The following INPP4B variants were observed in gnomAD, a reference collection of about 807,000 sequenced individuals.
INPP4B encodes the protein inositol polyphosphate-4-phosphatase type II B.
INPP4B carries 55 observed loss-of-function variants against 122.5 expected under a neutral mutation model. That is an observed-to-expected ratio of 0.45 (90% CI 0.36 to 0.56). The LOEUF is 0.56. Ranked by LOEUF, INPP4B falls within the 20% of genes least tolerant of loss-of-function variation. INPP4B has a pLI of 0.00. For missense variants in INPP4B, 1,000 were observed against 1,097.7 expected (o/e 0.91, Z 1.26); for synonymous variants, 403 against 388.7 (o/e 1.04, Z -0.43).
chr4:142,288,285 T>C (rs1046379752), intron 9 of INPP4B, among the ~76,000 whole-genome samples: 2 of 152,204 alleles, frequency 1.3e-5, no homozygotes, highest in Non-Finnish European at 2.9e-5. Flanking sequence ...ATTTTTATCT[T>C]AAAATGGCTG....
In INPP4B at chr4:142,606,959, A is replaced by G. The variant is rs942389522; in HGVS notation, c.-191+118880T>C. On this transcript the variant is annotated intron_variant, in intron 2 of 25. Transcript: ENST00000262992. ...AATAATGCATAATCATTATAGAATA[A>G]TTAGAAACCTAAATATACAAATAAA... Among the ~76,000 whole-genome samples, 3 of 152,144 alleles carry G rather than the reference A, an allele frequency of 2.0e-5. No homozygotes were observed. In the East Asian group the frequency reaches 5.8e-4, roughly 29 times the overall value.
intron 3 of INPP4B, among the ~76,000 whole-genome samples, chr4:142,454,188 G>A (rs868361777): frequency 4.6e-5 from 7 of 152,026 alleles, no homozygotes; most frequent in Admixed American, 2.6e-4. Flanking sequence ...TTGACCCTAC[G>A]TGTCAGAAGT....
chr4:142,120,071 A>G (rs978500649), intron 21 of INPP4B, among the ~76,000 whole-genome samples: 6 of 151,812 alleles, frequency 4.0e-5, no homozygotes, highest in African/African-American at 7.3e-5. Flanking sequence ...AGATAAACCA[A>G]TTGTCCCAGC....
chr4:142,531,031 TG>T (rs964641620), intron 2 of INPP4B, among the ~76,000 whole-genome samples: 4 of 152,042 alleles, frequency 2.6e-5, no homozygotes, highest in Non-Finnish European at 2.9e-5. Flanking sequence ...AATATAACCC[TG>T]GGGGCAAGGG....
chr4:142,077,296 A>G (rs1160332773), intron 25 of INPP4B, among the ~76,000 whole-genome samples: 1 of 151,968 alleles, frequency 6.6e-6, no homozygotes, highest in African/African-American at 2.4e-5. Flanking sequence ...GAGCTATGAC[A>G]GATTGAGGAA....
intron 2 of INPP4B, among the ~76,000 whole-genome samples, chr4:142,684,617 T>C (rs1361404429): frequency 6.6e-6 from 1 of 151,970 alleles, no homozygotes; most frequent in Non-Finnish European, 1.5e-5. Flanking sequence ...AGAAATGTAA[T>C]AATTTAAAAA....
chr4:142,115,697 C>T (rs2152721415), intron 21 of INPP4B, among the ~76,000 whole-genome samples: 1 of 152,218 alleles, frequency 6.6e-6, no homozygotes, highest in South Asian at 2.1e-4. Context: ...GTAGCAGCCC[C>T]TGCAAAAACA....
At chr4:142,082,455 G>A (rs1462958975) in intron 24 of INPP4B, among the ~76,000 whole-genome samples, 2 of 152,130 alleles carry the variant, frequency 1.3e-5, no homozygotes, top group Admixed American at 6.5e-5. Context: ...AGCAGAGGAC[G>A]CAGCACACTA....
intron 2 of INPP4B, among the ~76,000 whole-genome samples, chr4:142,464,791 A>T (rs1435443868): frequency 6.6e-6 from 1 of 152,176 alleles, no homozygotes; most frequent in Non-Finnish European, 1.5e-5. Flanking sequence ...CTTTGGTCTA[A>T]ATTTTTGTGG....
At chr4:142,237,399 A>G (rs1288048935) in intron 12 of INPP4B, among the ~76,000 whole-genome samples, 1 of 152,170 alleles carries the variant, frequency 6.6e-6, no homozygotes, top group Non-Finnish European at 1.5e-5. Context: ...TCTAGTAGCC[A>G]TATTTTAAAA....
rs142398072 is a variant in INPP4B at position 142,407,234 on chromosome 4, C to T, written c.137-1910G>A. Among the ~76,000 whole-genome samples, 489 of 152,220 alleles carry T rather than the reference C, an allele frequency of 3.2e-3. 1 individual carries two copies. The highest frequency in any genetic ancestry group is 0.017 in the Middle Eastern group (5 of 294). Reference sequence around the variant, plus strand: ...TGCTTACAGTAAACAGCTCTTTTTCCGTTTCCTGATATTGACATATATCTA... The same window carrying T: ...TGCTTACAGTAAACAGCTCTTTTTCTGTTTCCTGATATTGACATATATCTA... On this transcript the variant is annotated intron_variant, in intron 5 of 25. Coordinates refer to ENST00000262992, the MANE Select transcript of INPP4B (RefSeq NM_001101669.3).
intron 2 of INPP4B, among the ~76,000 whole-genome samples, chr4:142,593,536 A>T (rs563093426): frequency 2.2e-4 from 33 of 152,180 alleles, no homozygotes; most frequent in Middle Eastern, 6.8e-3. Flanking sequence ...TCAATCCTGT[A>T]TCAGTCAACT....
chr4:142,795,266 A>C (rs1777077349), intron 1 of INPP4B: 1 of 152,006 alleles, frequency 6.6e-6, no homozygotes, highest in South Asian at 2.1e-4. Flanking sequence ...TAAACTCTAA[A>C]GAAAAAGCAA....
chr4:142,060,752 A>T (rs1760210556), intron 25 of INPP4B, among the ~76,000 whole-genome samples: 1 of 152,196 alleles, frequency 6.6e-6, no homozygotes, highest in South Asian at 2.1e-4. Flanking sequence ...ACCCTGGCCA[A>T]GGGGTCTCAG....
chr4:142,710,581 T>C (rs1023358610), intron 2 of INPP4B, among the ~76,000 whole-genome samples: 1 of 152,186 alleles, frequency 6.6e-6, no homozygotes, highest in Non-Finnish European at 1.5e-5. Context: ...AAAAAGTAGT[T>C]TTCATGTAAC....
At chr4:142,324,474 A>G (rs1237143364) in intron 7 of INPP4B, among the ~76,000 whole-genome samples, 4 of 152,072 alleles carry the variant, frequency 2.6e-5, no homozygotes, top group African/African-American at 9.7e-5. Context: ...AATCTGACAA[A>G]AGTCTTTAGA....
chr4:142,173,226 T>C (rs1236887101), intron 16 of INPP4B, among the ~76,000 whole-genome samples: 1 of 151,986 alleles, frequency 6.6e-6, no homozygotes, highest in African/African-American at 2.4e-5. Flanking sequence ...ATCAAAGTTC[T>C]GCCTTCAAAT....
In INPP4B at chr4:142,442,459, A is replaced by G. The variant is rs1356360009; in HGVS notation, c.-126-11074T>C. Among the ~76,000 whole-genome samples, 3 of 151,680 alleles carry G rather than the reference A, an allele frequency of 2.0e-5. No homozygotes were observed. The East Asian group carries it at 5.8e-4, about 29-fold the overall frequency. ...AGAGAAGAAAAAAATAAAAAGATGA[A>G]TAAATCTGACTACTTTAAAATTAAA... is the stretch of plus-strand genomic sequence containing the variant. On this transcript the variant is annotated intron_variant, in intron 3 of 25. Coordinates refer to ENST00000262992, the MANE Select transcript of INPP4B (RefSeq NM_001101669.3).
chr4:142,231,404 G>A (rs1468178889), intron 12 of INPP4B, among the ~76,000 whole-genome samples: 1 of 152,156 alleles, frequency 6.6e-6, no homozygotes, highest in Non-Finnish European at 1.5e-5. Flanking sequence ...ACGGACTTAT[G>A]CTTTCAGGTA....
Sources: allele counts gnomAD v4.1 joint callset (sites outside exome capture counted in the v4.1 genomes callset), GRCh38; gene constraint gnomAD v4.1.1; transcripts MANE v1.5; gene names NCBI Gene and HGNC (gene_info 2026-07-23, HGNC 2026-07-21).